The following CEP112 variants were observed in gnomAD, a reference collection of about 807,000 sequenced individuals.
CEP112 encodes centrosomal protein 112, also known as centrosomal protein of 112 kDa.
A neutral mutation model predicts 153.0 loss-of-function variants in CEP112; 127 were observed. The observed-to-expected ratio is 0.83, with a 90% CI of 0.72 to 0.96. The LOEUF is 0.96. CEP112 is among the 40% of genes least tolerant of loss of function. The probability of loss-of-function intolerance (pLI) is 0.00; values close to 1 mark genes in which losing one functional copy is unlikely to be tolerated. For missense variants in CEP112, 1,089 were observed against 1,101.2 expected, an observed-to-expected ratio of 0.99 and a Z score of 0.16; for synonymous variants, 358 against 374.4, an observed-to-expected ratio of 0.96 and a Z score of 0.51.
At chr17:65,861,427 C>T (rs1223265895) in intron 20 of CEP112, among the ~76,000 whole-genome samples, 1 of 152,094 alleles carries the variant, frequency 6.6e-6, no homozygotes, top group Non-Finnish European at 1.5e-5. Context: ...CAGTTAAGAA[C>T]ATTTGTTCAT....
intron 4 of CEP112, among the ~76,000 whole-genome samples, chr17:66,152,298 TAGAA>T (rs1160659084): frequency 1.3e-5 from 2 of 152,156 alleles, no homozygotes; most frequent in Non-Finnish European, 2.9e-5. Flanking sequence ...TACATAGAGA[TAGAA>T]AGCTATACCA....
At chr17:65,693,455 T>TA (rs34369066) in intron 23 of CEP112, among the ~76,000 whole-genome samples, 68,986 of 145,976 alleles carry the variant, frequency 0.47, 16,221 homozygotes, top group Middle Eastern at 0.55. Context: ...GTCAAGGGAT[T>TA]AAAAAAAAAA....
intron 20 of CEP112, among the ~76,000 whole-genome samples, chr17:65,884,584 T>C (rs2059202497): frequency 6.6e-6 from 1 of 152,138 alleles, no homozygotes; most frequent in African/African-American, 2.4e-5. Flanking sequence ...CATTCTAGAA[T>C]ATGAGGTAGG....
intron 23 of CEP112, among the ~76,000 whole-genome samples, chr17:65,703,826 C>A (rs1429505252): frequency 1.3e-5 from 2 of 149,660 alleles, no homozygotes; most frequent in Admixed American, 6.7e-5. Flanking sequence ...AAAAAAAAAA[C>A]CCAGAAAAAC....
intron 17 of CEP112, among the ~76,000 whole-genome samples, chr17:65,967,556 A>C (rs548083209): frequency 2.0e-5 from 3 of 152,340 alleles, no homozygotes. Context: ...AAGGAGAAAA[A>C]TAAAATGATG....
At chr17:65,664,021 G>C (rs1271801430) in intron 24 of CEP112, among the ~76,000 whole-genome samples, 2 of 152,082 alleles carry the variant, frequency 1.3e-5, no homozygotes, top group Non-Finnish European at 2.9e-5. Context: ...ACTCCAGCCT[G>C]GGCGACAGAG....
chr17:65,810,270 T>C (rs183636030), intron 21 of CEP112, among the ~76,000 whole-genome samples: 196 of 152,238 alleles, frequency 1.3e-3, no homozygotes, highest in Middle Eastern at 0.01. Context: ...TAGTTGAATA[T>C]ATACCCCCCT....
chr17:65,837,104 G>GC (rs1397803667), intron 21 of CEP112, among the ~76,000 whole-genome samples: 4 of 152,202 alleles, frequency 2.6e-5, no homozygotes, highest in African/African-American at 9.7e-5. Flanking sequence ...CTCACTCAGT[G>GC]CTCAATGTTG....
rs1376670495 is a variant in CEP112, at chr17:65,649,755, AC to A, written c.2698-8691del. 1.2e-4 allele frequency among the ~76,000 whole-genome samples: 18 copies of A among 149,056 alleles called. 1 individual carries two copies. On this transcript the variant is annotated intron_variant, in intron 24 of 26. Coordinates refer to ENST00000535342, the MANE Select transcript of CEP112 (RefSeq NM_001199165.4). Reference sequence around the variant, plus strand: ...AAAAAAGTGTGCCCAATATTACTTTACAAAGCCCAACAAGCATTTCTGGGGG... The same window carrying A: ...AAAAAAGTGTGCCCAATATTACTTTAAAAGCCCAACAAGCATTTCTGGGGG...
At chr17:65,967,629 A>G (rs1029746964) in intron 17 of CEP112, among the ~76,000 whole-genome samples, 19 of 152,364 alleles carry the variant, frequency 1.2e-4, no homozygotes, top group African/African-American at 4.6e-4. Context: ...AAAGAACGTA[A>G]CAATGAAGTA....
intron 25 of CEP112, 63 bp from the exon 26 acceptor site, chr17:65,637,251 A>G: frequency 9.4e-7 from 1 of 1,060,104 alleles, no homozygotes; most frequent in East Asian, 2.4e-5. Context: ...TTGTGCAAAT[A>G]GTATGGTAAG....
At chr17:65,979,199 T>A (rs999058252) in intron 17 of CEP112, among the ~76,000 whole-genome samples, 1 of 151,156 alleles carries the variant, frequency 6.6e-6, no homozygotes, top group Admixed American at 6.6e-5. Context: ...AAGAAAATTA[T>A]ATTCAGAGGT....
intron 6 of CEP112, among the ~76,000 whole-genome samples, chr17:66,128,947 CTG>C (rs1449774385): frequency 6.6e-6 from 1 of 152,068 alleles, no homozygotes; most frequent in Non-Finnish European, 1.5e-5. Context: ...ACACAGGTCT[CTG>C]TTGATTTTTA....
chr17:65,679,129 CTTTTTTTTTTTTTTTTTTTTTTTTT>C (rs57907674), intron 24 of CEP112, among the ~76,000 whole-genome samples: 109 of 31,628 alleles, frequency 3.4e-3, no homozygotes, highest in Non-Finnish European at 4.6e-3. Flanking sequence ...GTGGTTCAAG[CTTTTTTTTTTTTTTTTTTTTTTTTT>C]TTTTTTTTTT....
intron 11 of CEP112, among the ~76,000 whole-genome samples, chr17:66,055,347 G>T (rs976030512): frequency 6.6e-6 from 1 of 152,170 alleles, no homozygotes; most frequent in Admixed American, 6.5e-5. Flanking sequence ...TTGATTATTT[G>T]TAAGTGGTCC....
chr17:65,867,696 C>T (rs1226560987), intron 20 of CEP112, among the ~76,000 whole-genome samples: 1 of 151,954 alleles, frequency 6.6e-6, no homozygotes, highest in Non-Finnish European at 1.5e-5. Flanking sequence ...TCTTTAGATT[C>T]TAAATAATAA....
At chr17:66,119,883 T>C (rs1326299680) in intron 6 of CEP112, among the ~76,000 whole-genome samples, 1 of 152,178 alleles carries the variant, frequency 6.6e-6, no homozygotes, top group Non-Finnish European at 1.5e-5. Flanking sequence ...CTCACCAGCA[T>C]TTTGTATTGT....
chr17:66,159,879 G>C (rs1054698763), intron 4 of CEP112, among the ~76,000 whole-genome samples: 6 of 151,968 alleles, frequency 3.9e-5, no homozygotes, highest in African/African-American at 7.3e-5. Flanking sequence ...AGAAATAAAG[G>C]GTATTCAAAT....
intron 22 of CEP112, among the ~76,000 whole-genome samples, chr17:65,747,094 G>A (rs940923546): frequency 6.6e-6 from 1 of 151,548 alleles, no homozygotes; most frequent in African/African-American, 2.4e-5. Context: ...TCCTAAATAG[G>A]GGTTAGGATT....
Sources: allele counts gnomAD v4.1 joint callset (sites outside exome capture counted in the v4.1 genomes callset), GRCh38; gene constraint gnomAD v4.1.1; transcripts MANE v1.5; gene names NCBI Gene and HGNC (gene_info 2026-07-23, HGNC 2026-07-21).